Variants in ACSL4 observed in about 807,000 individuals in gnomAD.
ACSL4 encodes the protein acyl-CoA synthetase long chain family member 4.
Under a neutral mutation model 49.1 loss-of-function variants are expected in ACSL4, and 9 were observed. The ratio of observed to expected loss-of-function variants is 0.18; its 90% CI spans 0.11 to 0.32. ACSL4 has a LOEUF of 0.32. Ranked by LOEUF, ACSL4 falls within the 10% of genes least tolerant of loss-of-function variation. ACSL4 has a pLI of 1.00. For synonymous variants in ACSL4, 191 were observed against 170.3 expected (o/e 1.12, Z -0.95); for missense variants, 333 against 493.7 (o/e 0.67, Z 3.08).
chrX:109,723,374 T>TAA (rs1420856402), intron 1 of ACSL4, among the ~76,000 whole-genome samples: 1 of 111,940 alleles, frequency 8.9e-6, no homozygotes, highest in African/African-American at 3.2e-5. Context: ...CCTCTAGGGA[T>TAA]AATTACTCTT....
intron 15 of ACSL4, 138 bp from the exon 16 acceptor site, chrX:109,644,324 T>C: frequency 1.8e-6 from 1 of 548,131 alleles, no homozygotes; most frequent in Non-Finnish European, 2.8e-6. Flanking sequence ...ATGATTCGGG[T>C]GTTGAATCAC....
chrX:109,707,646 C>T (rs1926453637), intron 1 of ACSL4, among the ~76,000 whole-genome samples: 1 of 109,026 alleles, frequency 9.2e-6, no homozygotes, highest in Non-Finnish European at 1.9e-5. Flanking sequence ...TAAAGGAAAT[C>T]ATTAGAGATT....
At chrX:109,647,739 G>C (rs1197570711) in intron 15 of ACSL4, among the ~76,000 whole-genome samples, 1 of 111,216 alleles carries the variant, frequency 9.0e-6, no homozygotes, top group East Asian at 2.8e-4. Flanking sequence ...CCAGGAGGTG[G>C]TTTTTTGAAA....
intron 1 of ACSL4, among the ~76,000 whole-genome samples, chrX:109,701,958 C>A (rs1194653626): frequency 1.9e-5 from 2 of 103,804 alleles, no homozygotes; most frequent in Non-Finnish European, 3.9e-5. Context: ...GCCTGTAATC[C>A]CAACACTTTG....
At chrX:109,726,997 G>A (rs892784510) in intron 1 of ACSL4, among the ~76,000 whole-genome samples, 13 of 111,007 alleles carry the variant, frequency 1.2e-4, no homozygotes, top group African/African-American at 3.3e-4. Flanking sequence ...GATTATAGGC[G>A]TGAGCTGCAG....
At chrX:109,710,554 C>A (rs1926678738) in intron 1 of ACSL4, among the ~76,000 whole-genome samples, 1 of 112,229 alleles carries the variant, frequency 8.9e-6, no homozygotes, top group South Asian at 3.7e-4. Context: ...TTTCTCATCT[C>A]ACAAAAAACA....
At position 109,645,922 on chromosome X, in the gene ACSL4, A is replaced by G. The variant is rs764192413; in HGVS notation, c.1856-1736T>C. On this transcript the variant is annotated intron_variant, in intron 15 of 15. Coordinates refer to ENST00000672401, the MANE Select transcript of ACSL4 (RefSeq NM_001318510.2). ...CGATCAACTGGATGAAAGGCTATCA[A>G]TGATGGAAGATGAAATGAATGAAAT... is the stretch of plus-strand genomic sequence containing the variant. Among the ~76,000 whole-genome samples, 619 of 112,278 alleles carry G rather than the reference A, an allele frequency of 5.5e-3. 5 individuals carry two copies. Among genetic ancestry groups the G allele is most frequent in the African/African-American group, 0.017 (533 of 30,903 alleles).
chrX:109,681,937 TA>T (rs1924197373), intron 4 of ACSL4, among the ~76,000 whole-genome samples: 1 of 111,671 alleles, frequency 9.0e-6, no homozygotes, highest in South Asian at 3.7e-4. Context: ...AGAGATAACA[TA>T]AACCAAGATC....
intron 14 of ACSL4, among the ~76,000 whole-genome samples, chrX:109,660,281 T>C (rs1275522738): frequency 9.0e-6 from 1 of 111,337 alleles, no homozygotes; most frequent in East Asian, 2.8e-4. Flanking sequence ...AACAAAGAAC[T>C]TGAATAGACA....
At position 109,682,915 on chromosome X, in the gene ACSL4, C is replaced by G. The variant is rs779811960; in HGVS notation, c.229-19G>C. On this transcript the variant is annotated intron_variant, in intron 3 of 15. Transcript: ENST00000672401. ...GAATTAACTGTTAAAGTGATACATT[C>G]TCTAATATTAGTATATTCAAACAAG... 2.5e-6 allele frequency: 3 copies of G among 1,182,420 alleles called. No individual in the cohort carries two copies. The highest frequency in any genetic ancestry group is 5.9e-5 in the East Asian group (2 of 33,732).
At chrX:109,681,421 T>C in intron 4 of ACSL4, 46 bp from the exon 5 acceptor site, 1 of 864,342 alleles carries the variant, frequency 1.2e-6, no homozygotes, top group Non-Finnish European at 1.7e-6. Context: ...AAACATCTAT[T>C]AGAAATGGAT....
rs774434989 is a variant in ACSL4, at chrX:109,643,518, T to C, written c.*511A>G. ...TTCTAAGGTATTATTTGATTTTGTG[T>C]ATTATATTACTATTGAATTTTTCCT... On this transcript the variant is annotated 3_prime_UTR_variant, in exon 16 of 16. Transcript: ENST00000672401. The C allele has an allele frequency of 8.4e-6, 1 of 118,788 alleles. No homozygotes were observed. The highest frequency in any genetic ancestry group is 3.2e-5 in the African/African-American group (1 of 30,969). 9.8% of individuals were successfully genotyped at this position (118,788 alleles called of 1,213,427 possible). A position where few individuals can be genotyped will look rare whatever the true frequency, so the allele number is the denominator to read the frequency against.
intron 15 of ACSL4, among the ~76,000 whole-genome samples, chrX:109,650,506 A>G: frequency 1.1e-5 from 1 of 88,929 alleles, no homozygotes; most frequent in Middle Eastern, 5.7e-3. Flanking sequence ...GAAGGGGAAC[A>G]TCACACTCTG....
chrX:109,661,221 G>A (rs1242463017), intron 14 of ACSL4, among the ~76,000 whole-genome samples: 2 of 112,025 alleles, frequency 1.8e-5, no homozygotes, highest in Admixed American at 1.9e-4. Flanking sequence ...TCAACATGTA[G>A]TAGTTGTGTT....
At chrX:109,703,859 G>C (rs998735811) in intron 1 of ACSL4, among the ~76,000 whole-genome samples, 1 of 110,587 alleles carries the variant, frequency 9.0e-6, no homozygotes, top group Non-Finnish European at 1.9e-5. Context: ...TTGAATCTGG[G>C]AGGTGGAGGT....
rs752887701 is a variant in ACSL4, at chrX:109,682,706, A to G, written c.406+13T>C. On this transcript the variant is annotated intron_variant, in intron 4 of 15. Transcript: ENST00000672401. ...ACCCTCCTCTCCCCCCTCCAAAAAC[A>G]CAAGGCACTTACGAGGAAAGTTGTA... 1.7e-6 allele frequency: 2 copies of G among 1,208,947 alleles called. No individual in the cohort carries two copies. Among genetic ancestry groups the G allele is most frequent in the African/African-American group, 3.5e-5 (2 of 57,048 alleles).
At chrX:109,720,782 A>G (rs1488125196) in intron 1 of ACSL4, among the ~76,000 whole-genome samples, 2 of 111,733 alleles carry the variant, frequency 1.8e-5, no homozygotes, top group Non-Finnish European at 3.8e-5. Context: ...AGGGACCCCA[A>G]TGCCTTCCAA....
intron 12 of ACSL4, among the ~76,000 whole-genome samples, chrX:109,663,715 G>A (rs1922373468): frequency 9.0e-6 from 1 of 111,012 alleles, no homozygotes; most frequent in Non-Finnish European, 1.9e-5. Flanking sequence ...TCACCCCCAG[G>A]AAGAGTAACA....
intron 9 of ACSL4, among the ~76,000 whole-genome samples, chrX:109,671,801 T>C (rs942576681): frequency 2.7e-5 from 3 of 111,374 alleles, no homozygotes; most frequent in Non-Finnish European, 1.9e-5. Context: ...CTCTGAAACA[T>C]GTGCTGTGTC....
Sources: gnomAD v4.1 joint callset for allele counts (sites outside exome capture counted in the v4.1 genomes callset) on GRCh38, gnomAD v4.1.1 for gene constraint, MANE v1.5 for transcripts, NCBI Gene and HGNC (gene_info 2026-07-23, HGNC 2026-07-21) for gene names.